The following CADM2 variants were observed in gnomAD, a reference collection of about 807,000 sequenced individuals.
CADM2 encodes the protein immunoglobulin superfamily member 4D.
In CADM2, 12 loss-of-function variants were observed where a neutral mutation model predicts 49.8. That is an observed-to-expected ratio of 0.24 (90% CI 0.15 to 0.39). The LOEUF is 0.39. CADM2 is among the 10% of genes least tolerant of loss of function. CADM2 has a pLI of 1.00. For missense variants in CADM2, 378 were observed against 492.3 expected, an observed-to-expected ratio of 0.77 and a Z score of 2.20; for synonymous variants, 214 against 175.4, an observed-to-expected ratio of 1.22 and a Z score of -1.74.
chr3:85,601,157 TATATATATATATATATACAC>T (rs1454734198), intron 1 of CADM2, among the ~76,000 whole-genome samples: 5,706 of 106,360 alleles, frequency 0.054, 338 homozygotes, highest in African/African-American at 0.12. Context: ...TATATATATA[TATATATATATATATATACAC>T]ACACACACAC....
intron 1 of CADM2, among the ~76,000 whole-genome samples, chr3:85,276,361 A>G (rs1477020394): frequency 6.6e-6 from 1 of 151,424 alleles, no homozygotes; most frequent in Non-Finnish European, 1.5e-5. Flanking sequence ...TCAAAATTCA[A>G]GATTCTTTTA....
chr3:85,019,023 C>G (rs767432904), intron 1 of CADM2, among the ~76,000 whole-genome samples: 12 of 152,212 alleles, frequency 7.9e-5, no homozygotes, highest in Admixed American at 1.3e-4. Context: ...CAGAAGTGTA[C>G]ACATCATTCC....
chr3:85,871,314 CA>C (rs1275678071), intron 3 of CADM2, among the ~76,000 whole-genome samples: 1 of 152,162 alleles, frequency 6.6e-6, no homozygotes, highest in African/African-American at 2.4e-5. Flanking sequence ...AAATGCACAT[CA>C]AAACCACTAA....
In CADM2 at chr3:85,288,784, G is replaced by GCCA. The variant is rs1553704672; in HGVS notation, c.61+329118_61+329119insACC. Among the ~76,000 whole-genome samples, 8 of 88,200 alleles carry GCCA rather than the reference G, an allele frequency of 9.1e-5. 2 individuals are homozygous for GCCA. Among genetic ancestry groups the GCCA allele is most frequent in the Non-Finnish European group, 2.1e-4 (8 of 37,818 alleles). The allele number at this position is 88,200 out of a possible 152,430, so 57.9% of individuals were successfully genotyped here. A position where few individuals can be genotyped will look rare whatever the true frequency, so the allele number is the denominator to read the frequency against. ...CGCCAGTATTCTGCTTTACCAATAT[G>GCCA]CCCCCCCCCCCTCTTTTTTTCCATC... On this transcript the variant is annotated intron_variant, in intron 1 of 9. Transcript: ENST00000383699.
chr3:85,274,147 G>T (rs898775966), intron 1 of CADM2, among the ~76,000 whole-genome samples: 1 of 151,426 alleles, frequency 6.6e-6, no homozygotes, highest in African/African-American at 2.4e-5. Flanking sequence ...TTTCAGTGAT[G>T]CTGTAAGTTA....
intron 1 of CADM2, among the ~76,000 whole-genome samples, chr3:85,110,979 G>A (rs2038436150): frequency 6.6e-6 from 1 of 151,672 alleles, no homozygotes; most frequent in African/African-American, 2.4e-5. Flanking sequence ...TATCATTCAG[G>A]GCAACAGTAT....
At chr3:85,989,426 TG>T (rs1728492103) in intron 8 of CADM2, among the ~76,000 whole-genome samples, 2 of 152,038 alleles carry the variant, frequency 1.3e-5, no homozygotes, top group African/African-American at 4.8e-5. Context: ...ACGAGGACAC[TG>T]GGGGACAGGG....
chr3:85,207,004 A>G (rs576434624), intron 1 of CADM2, among the ~76,000 whole-genome samples: 2 of 151,884 alleles, frequency 1.3e-5, no homozygotes, highest in Admixed American at 1.3e-4. Flanking sequence ...CCACAACATT[A>G]CAGGAGGAGC....
At chr3:85,495,503 A>T (rs2039850293) in intron 1 of CADM2, among the ~76,000 whole-genome samples, 1 of 152,116 alleles carries the variant, frequency 6.6e-6, no homozygotes, top group Non-Finnish European at 1.5e-5. Flanking sequence ...TTGATTACAC[A>T]TTGTGACTTG....
chr3:85,082,969 G>T lies in CADM2; in HGVS notation c.61+123301G>T, dbSNP rs183171620. On this transcript the variant is annotated intron_variant, in intron 1 of 9. Transcript: ENST00000383699. ...TGAGGCAAAAAATTTCCAAGTTGTAGTTTTCATGTTTAAAATATCATTTTA... is the reference window on the plus strand; with the variant it reads ...TGAGGCAAAAAATTTCCAAGTTGTATTTTTCATGTTTAAAATATCATTTTA... Among the ~76,000 whole-genome samples the T allele has an allele frequency of 7.2e-5, 11 of 152,144 alleles. No individual in the cohort carries two copies. The East Asian group carries it at 2.1e-3, about 29-fold the overall frequency.
At chr3:85,343,942 A>G (rs1386531539) in intron 1 of CADM2, among the ~76,000 whole-genome samples, 2 of 152,220 alleles carry the variant, frequency 1.3e-5, no homozygotes, top group South Asian at 4.1e-4. Context: ...TTCTTTAGAC[A>G]CTGCAAAGTG....
intron 1 of CADM2, among the ~76,000 whole-genome samples, chr3:85,433,556 G>T (rs1014860987): frequency 1.3e-5 from 2 of 152,020 alleles, no homozygotes; most frequent in African/African-American, 4.8e-5. Context: ...GAGAAGTAGG[G>T]GTTATTGAAC....
intron 1 of CADM2, among the ~76,000 whole-genome samples, chr3:85,249,788 A>G (rs146870179): frequency 7.6e-4 from 116 of 152,018 alleles, no homozygotes; most frequent in Non-Finnish European, 1.2e-3. Context: ...GTTATTCTCT[A>G]GAGATTTACA....
At chr3:85,350,613 G>T (rs2031245167) in intron 1 of CADM2, among the ~76,000 whole-genome samples, 2 of 152,120 alleles carry the variant, frequency 1.3e-5, no homozygotes, top group African/African-American at 4.8e-5. Flanking sequence ...AAAATACTGT[G>T]ATCTTTCATA....
intron 1 of CADM2, among the ~76,000 whole-genome samples, chr3:85,011,216 G>A (rs2033978552): frequency 6.6e-6 from 1 of 151,974 alleles, no homozygotes; most frequent in South Asian, 2.1e-4. Context: ...TTGACTTATA[G>A]TATAGTTTTC....
intron 1 of CADM2, among the ~76,000 whole-genome samples, chr3:85,156,842 A>G (rs1169575673): frequency 1.3e-5 from 2 of 152,188 alleles, no homozygotes; most frequent in Non-Finnish European, 2.9e-5. Flanking sequence ...TGGCCAGGGC[A>G]ATTAGGCAGG....
At chr3:85,701,952 A>T (rs929714363) in intron 1 of CADM2, among the ~76,000 whole-genome samples, 3 of 149,324 alleles carry the variant, frequency 2.0e-5, no homozygotes, top group Admixed American at 6.8e-5. Context: ...AGAAATAAAG[A>T]TAGATGTAGA....
At chr3:85,306,271 T>C (rs190144958) in intron 1 of CADM2, among the ~76,000 whole-genome samples, 1 of 151,664 alleles carries the variant, frequency 6.6e-6, no homozygotes. Context: ...GCTTTAAATA[T>C]ATGTTTTTAA....
chr3:85,421,212 C>A (rs935432812), intron 1 of CADM2, among the ~76,000 whole-genome samples: 8 of 152,064 alleles, frequency 5.3e-5, no homozygotes, highest in Admixed American at 3.9e-4. Context: ...TGGAGGTCTG[C>A]CTGCTTTCAG....
Sources: gnomAD v4.1 joint callset for allele counts (sites outside exome capture counted in the v4.1 genomes callset) on GRCh38, gnomAD v4.1.1 for gene constraint, MANE v1.5 for transcripts, NCBI Gene and HGNC (gene_info 2026-07-23, HGNC 2026-07-21) for gene names.